Variants in SCHIP1 observed in about 807,000 individuals in gnomAD.
SCHIP1 encodes the protein schwannomin interacting protein 1, also known as schwannomin-interacting protein 1.
SCHIP1 carries 8 observed loss-of-function variants against 29.7 expected under a neutral mutation model. The ratio of observed to expected loss-of-function variants is 0.27; its 90% CI spans 0.16 to 0.49. SCHIP1 has a LOEUF of 0.49. Among genes scored for constraint, SCHIP1 ranks in the 20% least tolerant of loss-of-function variants. SCHIP1 has a pLI of 0.99. For missense variants in SCHIP1, 193 were observed against 294.6 expected, an observed-to-expected ratio of 0.66 and a Z score of 2.52; for synonymous variants, 76 against 94.9, an observed-to-expected ratio of 0.80 and a Z score of 1.16.
chr3:159,686,936 C>G, the SCHIP1 span, among the ~76,000 whole-genome samples: 1 of 152,076 alleles, frequency 6.6e-6, no homozygotes, highest in African/African-American at 2.4e-5. Context: ...CTGTACTAAC[C>G]CTGCTTTCTT....
the SCHIP1 span, among the ~76,000 whole-genome samples, chr3:159,528,803 T>C: frequency 6.6e-6 from 1 of 152,174 alleles, no homozygotes; most frequent in East Asian, 1.9e-4. Flanking sequence ...AACTCTGTAA[T>C]CTGCAAAATC....
At chr3:159,455,218 G>T in the SCHIP1 span, among the ~76,000 whole-genome samples, 3 of 152,020 alleles carry the variant, frequency 2.0e-5, no homozygotes, top group African/African-American at 7.3e-5. Flanking sequence ...CTAGAGCCAG[G>T]GTATTTATTC....
chr3:159,299,533 A>G, the SCHIP1 span, among the ~76,000 whole-genome samples: 103 of 152,328 alleles, frequency 6.8e-4, no homozygotes, highest in African/African-American at 2.3e-3. Context: ...TACTACACCA[A>G]AAAGAAAGGT....
At chr3:159,631,321 C>T in the SCHIP1 span, among the ~76,000 whole-genome samples, 1 of 151,976 alleles carries the variant, frequency 6.6e-6, no homozygotes, top group Non-Finnish European at 1.5e-5. Context: ...CTATATGGAC[C>T]CATAATTCCA....
At chr3:159,397,923 C>T in the SCHIP1 span, among the ~76,000 whole-genome samples, 10 of 152,342 alleles carry the variant, frequency 6.6e-5, no homozygotes, top group African/African-American at 2.4e-4. Context: ...CCTCCCCCAG[C>T]CTCGCTGCCA....
chr3:159,713,194 G>GAGAA, the SCHIP1 span, among the ~76,000 whole-genome samples: 3 of 117,002 alleles, frequency 2.6e-5, no homozygotes, highest in Non-Finnish European at 3.5e-5. Flanking sequence ...AGGAAAGAAA[G>GAGAA]AGAAAGAAAG....
chr3:159,382,313 T>G, the SCHIP1 span, among the ~76,000 whole-genome samples: 3 of 150,002 alleles, frequency 2.0e-5, no homozygotes, highest in South Asian at 6.6e-4. Flanking sequence ...TGTGTCCATG[T>G]GTTCTCATTG....
the SCHIP1 span, among the ~76,000 whole-genome samples, chr3:159,626,284 AT>A: frequency 3.4e-5 from 5 of 146,608 alleles, no homozygotes; most frequent in Admixed American, 3.4e-4. Context: ...AGATAGATAG[AT>A]AGATAGATAG....
At chr3:159,385,052 C>CA in the SCHIP1 span, among the ~76,000 whole-genome samples, 1 of 151,932 alleles carries the variant, frequency 6.6e-6, no homozygotes, top group Non-Finnish European at 1.5e-5. Context: ...TTGATCCTTT[C>CA]AAAAAACCAG....
At chr3:159,475,203 A>C in the SCHIP1 span, among the ~76,000 whole-genome samples, 3 of 152,210 alleles carry the variant, frequency 2.0e-5, no homozygotes, top group Non-Finnish European at 4.4e-5. Flanking sequence ...ATGAATGAAC[A>C]AATTGTGGTA....
At chr3:159,764,714 A>G in the SCHIP1 span, 29 of 1,574,910 alleles carry the variant, frequency 1.8e-5, no homozygotes, top group Non-Finnish European at 2.3e-5. The surrounding 1 kb of genome is among the most constrained non-coding windows in gnomAD (Gnocchi z 6.1). Context: ...CAGCGAGGGT[A>G]CCGGGATGAC....
At chr3:159,377,208 T>C in the SCHIP1 span, among the ~76,000 whole-genome samples, 1 of 152,310 alleles carries the variant, frequency 6.6e-6, no homozygotes, top group South Asian at 2.1e-4. Context: ...AAATAGCCTA[T>C]TCTCCTTACA....
At chr3:159,516,522 G>T in the SCHIP1 span, among the ~76,000 whole-genome samples, 1 of 151,834 alleles carries the variant, frequency 6.6e-6, no homozygotes, top group Non-Finnish European at 1.5e-5. Context: ...ATATGAAACT[G>T]CCCTCTAAAA....
the SCHIP1 span, among the ~76,000 whole-genome samples, chr3:159,362,012 C>G: frequency 2.4e-4 from 37 of 152,236 alleles, no homozygotes; most frequent in African/African-American, 8.7e-4. Flanking sequence ...ATACTTGAGA[C>G]TTCTTGGTAT....
At chr3:159,541,179 T>C in the SCHIP1 span, among the ~76,000 whole-genome samples, 5 of 152,200 alleles carry the variant, frequency 3.3e-5, no homozygotes, top group East Asian at 7.7e-4. Flanking sequence ...GCACATAGAT[T>C]GCCCTTGTGA....
At chr3:159,605,003 T>C in the SCHIP1 span, among the ~76,000 whole-genome samples, 1 of 152,162 alleles carries the variant, frequency 6.6e-6, no homozygotes, top group Non-Finnish European at 1.5e-5. Flanking sequence ...CTGACTTAAT[T>C]TGAAATATTA....
chr3:159,514,554 C>T, the SCHIP1 span, among the ~76,000 whole-genome samples: 2 of 152,218 alleles, frequency 1.3e-5, no homozygotes, highest in African/African-American at 4.8e-5. Context: ...TGAAGAAGTG[C>T]AGTCAAGCTG....
At chr3:159,649,229 G>C in the SCHIP1 span, among the ~76,000 whole-genome samples, 1 of 152,060 alleles carries the variant, frequency 6.6e-6, no homozygotes, top group East Asian at 1.9e-4. Context: ...CAGCAAAGAT[G>C]TCTCAGACTG....
At chr3:159,644,886 A>G in the SCHIP1 span, among the ~76,000 whole-genome samples, 1 of 152,108 alleles carries the variant, frequency 6.6e-6, no homozygotes, top group Non-Finnish European at 1.5e-5. Context: ...TAAAGTAGAC[A>G]AAAATCCTGC....
Sources: allele counts gnomAD v4.1 joint callset (sites outside exome capture counted in the v4.1 genomes callset), GRCh38; gene constraint gnomAD v4.1.1; non-coding constraint Gnocchi (gnomAD v3.1); transcripts MANE v1.5; gene names NCBI Gene and HGNC (gene_info 2026-07-23, HGNC 2026-07-21).